Variants in SAMSN1 observed in about 807,000 individuals in gnomAD.
The protein encoded by SAMSN1 is SAM domain, SH3 domain and nuclear localization signals 1.
In SAMSN1, 31 loss-of-function variants were observed where a neutral mutation model predicts 42.0. That is an observed-to-expected ratio of 0.74 (90% CI 0.55 to 1.00). The LOEUF is 1.00. SAMSN1 is among the 50% of genes least tolerant of loss of function. SAMSN1 has a pLI of 0.00. For missense variants in SAMSN1, 464 were observed against 439.4 expected (o/e 1.06, Z -0.50); for synonymous variants, 178 against 151.9 (o/e 1.17, Z -1.26).
chr21:14,640,689 A>C (rs893044277), intron 2 of SAMSN1, among the ~76,000 whole-genome samples: 3 of 152,110 alleles, frequency 2.0e-5, no homozygotes, highest in Admixed American at 1.3e-4. Context: ...AACTTTATTC[A>C]TCTAAGCTGT....
rs377299652 is a variant in SAMSN1 at position 14,538,193 on chromosome 21, G to A, written c.57+8012C>T. On this transcript the variant is annotated intron_variant, in intron 1 of 7. Transcript: ENST00000400566. Reference sequence around the variant, plus strand: ...AAATAAATATTTACTTATAGCCACCGTTTTTTAAAGGGGAAAAGAGTAAAT... The same window carrying A: ...AAATAAATATTTACTTATAGCCACCATTTTTTAAAGGGGAAAAGAGTAAAT... 1.1e-4 allele frequency among the ~76,000 whole-genome samples: 16 copies of A among 152,214 alleles called. No homozygotes were observed. The South Asian group carries it at 1.7e-3, about 16-fold the overall frequency.
chr21:14,562,984 G>C (rs1431652340), intron 2 of SAMSN1, among the ~76,000 whole-genome samples: 1 of 152,068 alleles, frequency 6.6e-6, no homozygotes, highest in Non-Finnish European at 1.5e-5. Context: ...TCTAGTCTTG[G>C]ATGGTTTAAA....
chr21:14,521,947 A>G (rs1442419179), intron 1 of SAMSN1, among the ~76,000 whole-genome samples: 1 of 152,060 alleles, frequency 6.6e-6, no homozygotes, highest in Non-Finnish European at 1.5e-5. Context: ...CCAACTCTTG[A>G]TCATTTGAAG....
chr21:14,610,380 T>A (rs1384780102), intron 4 of SAMSN1, among the ~76,000 whole-genome samples: 2 of 152,170 alleles, frequency 1.3e-5, no homozygotes, highest in Non-Finnish European at 1.5e-5. Context: ...AATTCCAGCC[T>A]GGTGAATTCT....
At chr21:14,622,667 G>C (rs1309485926) in intron 2 of SAMSN1, among the ~76,000 whole-genome samples, 1 of 152,202 alleles carries the variant, frequency 6.6e-6, no homozygotes, top group Non-Finnish European at 1.5e-5. Context: ...AAGTGACGGG[G>C]AGAATGGAAC....
intron 2 of SAMSN1, among the ~76,000 whole-genome samples, chr21:14,637,961 A>C (rs1051578509): frequency 6.6e-6 from 1 of 152,152 alleles, no homozygotes; most frequent in African/African-American, 2.4e-5. Flanking sequence ...GTTTGAGTGT[A>C]GTGACACCAA....
intron 5 of SAMSN1, among the ~76,000 whole-genome samples, chr21:14,503,904 G>A (rs1425059243): frequency 6.6e-6 from 1 of 152,118 alleles, no homozygotes; most frequent in Non-Finnish European, 1.5e-5. Flanking sequence ...CAGCTGAGAG[G>A]CCCACAGACA....
chr21:14,615,015 A>G (rs1982800320), intron 3 of SAMSN1, among the ~76,000 whole-genome samples: 2 of 152,168 alleles, frequency 1.3e-5, no homozygotes, highest in Admixed American at 6.6e-5. Flanking sequence ...AGCATCAATC[A>G]TAAGCAAACG....
intron 6 of SAMSN1, among the ~76,000 whole-genome samples, chr21:14,597,345 T>C (rs776094803): frequency 5.9e-5 from 9 of 152,182 alleles, no homozygotes; most frequent in Admixed American, 2.0e-4. Flanking sequence ...AATTGTGTGC[T>C]ATGTTGGATA....
At chr21:14,634,726 T>G (rs1268863998) in intron 2 of SAMSN1, among the ~76,000 whole-genome samples, 2 of 152,200 alleles carry the variant, frequency 1.3e-5, no homozygotes, top group Admixed American at 6.5e-5. Flanking sequence ...GGAATGTGAA[T>G]CAGTTCATCC....
chr21:14,628,815 A>G (rs1462108605), intron 2 of SAMSN1, among the ~76,000 whole-genome samples: 2 of 152,212 alleles, frequency 1.3e-5, no homozygotes, highest in East Asian at 3.8e-4. Context: ...ATAACGGTGG[A>G]ATACATACAG....
chr21:14,612,877 A>T (rs1256380513), exon 4 of SAMSN1: 1 of 707,732 alleles, frequency 1.4e-6, no homozygotes, highest in East Asian at 2.7e-5. Context: ...ATCACTAACC[A>T]AATATTTTAT....
intron 7 of SAMSN1, among the ~76,000 whole-genome samples, chr21:14,486,707 C>T (rs1986451434): frequency 6.6e-6 from 1 of 152,038 alleles, no homozygotes; most frequent in Admixed American, 6.6e-5. Flanking sequence ...CATAAGAAAC[C>T]AGGTTGCTTT....
intron 2 of SAMSN1, among the ~76,000 whole-genome samples, chr21:14,633,706 C>T (rs1983388265): frequency 6.6e-6 from 1 of 152,164 alleles, no homozygotes; most frequent in Non-Finnish European, 1.5e-5. Flanking sequence ...TGTGCTGGTG[C>T]CCTCTATCCT....
chr21:14,592,743 T>A (rs1982124754), intron 7 of SAMSN1: 1 of 219,004 alleles, frequency 4.6e-6, no homozygotes, highest in Admixed American at 5.3e-5. Context: ...TTCAAAAATG[T>A]GGAAACGGAA....
chr21:14,566,174 A>C (rs1258956909), intron 2 of SAMSN1, among the ~76,000 whole-genome samples: 1 of 152,220 alleles, frequency 6.6e-6, no homozygotes, highest in African/African-American at 2.4e-5. Context: ...ACTTTTCTCC[A>C]CTTGCATCTG....
chr21:14,516,046 C>T (rs1009550979), intron 3 of SAMSN1, among the ~76,000 whole-genome samples: 1 of 152,152 alleles, frequency 6.6e-6, no homozygotes, highest in Non-Finnish European at 1.5e-5. Context: ...TTGGAACCCT[C>T]ATACATTGTT....
At chr21:14,505,383 T>G (rs781445480) in intron 5 of SAMSN1, among the ~76,000 whole-genome samples, 18 of 151,998 alleles carry the variant, frequency 1.2e-4, no homozygotes, top group Non-Finnish European at 1.9e-4. Context: ...CACACAAACT[T>G]AAGGTACAGG....
At chr21:14,613,630 A>T (rs1982765018) in intron 3 of SAMSN1, among the ~76,000 whole-genome samples, 1 of 152,036 alleles carries the variant, frequency 6.6e-6, no homozygotes. Context: ...TTTCCTTTTC[A>T]TTTTTTAATG....
Sources: gnomAD v4.1 joint callset for allele counts (sites outside exome capture counted in the v4.1 genomes callset) on GRCh38, gnomAD v4.1.1 for gene constraint, MANE v1.5 for transcripts, NCBI Gene and HGNC (gene_info 2026-07-23, HGNC 2026-07-21) for gene names.